ZRANB3: variants seen among roughly 807,000 people sequenced by gnomAD.
The protein encoded by ZRANB3 is DNA annealing helicase and endonuclease ZRANB3.
ZRANB3 carries 125 observed loss-of-function variants against 133.8 expected under a neutral mutation model. The observed-to-expected ratio is 0.93, with a 90% CI of 0.81 to 1.08. The LOEUF (loss-of-function observed/expected upper bound fraction) is 1.08, where lower values mean the gene tolerates loss of function less well. Among genes scored for constraint, ZRANB3 ranks in the 50% least tolerant of loss-of-function variants. The pLI is 0.00. For missense variants in ZRANB3, 1,229 were observed against 1,275.5 expected (o/e 0.96, Z 0.56); for synonymous variants, 387 against 432.7 (o/e 0.89, Z 1.31).
intron 8 of ZRANB3, among the ~76,000 whole-genome samples, chr2:135,300,702 A>G (rs1159205697): frequency 6.6e-6 from 1 of 152,118 alleles, no homozygotes; most frequent in Non-Finnish European, 1.5e-5. Context: ...GCCTTAATCT[A>G]TCATGAATTA....
chr2:135,459,874 A>C (rs961672354), intron 2 of ZRANB3, among the ~76,000 whole-genome samples: 2 of 152,182 alleles, frequency 1.3e-5, no homozygotes, highest in Non-Finnish European at 2.9e-5. Flanking sequence ...AAAATAGAAA[A>C]ATTTCAAGTA....
intron 1 of ZRANB3, among the ~76,000 whole-genome samples, chr2:135,518,125 T>G (rs1294315358): frequency 6.6e-6 from 1 of 152,076 alleles, no homozygotes; most frequent in African/African-American, 2.4e-5. Flanking sequence ...AGCTCGACCG[T>G]CCCAGATAGA....
intron 12 of ZRANB3, among the ~76,000 whole-genome samples, chr2:135,236,633 C>T (rs1210380436): frequency 2.6e-5 from 4 of 152,054 alleles, no homozygotes; most frequent in South Asian, 2.1e-4. Flanking sequence ...GAAATAATGC[C>T]GCATATCTAC....
At chr2:135,515,983 T>C (rs181878881) in intron 1 of ZRANB3, among the ~76,000 whole-genome samples, 130 of 152,330 alleles carry the variant, frequency 8.5e-4, no homozygotes, top group Admixed American at 4.3e-3. Context: ...GCATATATAT[T>C]TAAAACAGTT....
intron 2 of ZRANB3, among the ~76,000 whole-genome samples, chr2:135,447,715 C>T (rs1299786643): frequency 6.6e-6 from 1 of 152,188 alleles, no homozygotes; most frequent in Non-Finnish European, 1.5e-5. Flanking sequence ...GTACTCTGGG[C>T]TGGAACTACC....
chr2:135,318,565 T>C (rs1683370020), intron 6 of ZRANB3, among the ~76,000 whole-genome samples: 3 of 152,172 alleles, frequency 2.0e-5, no homozygotes, highest in African/African-American at 7.2e-5. Context: ...TGTGTGTAGA[T>C]GTGTGTATAT....
chr2:135,482,073 G>C (rs2104794440), intron 2 of ZRANB3, among the ~76,000 whole-genome samples: 1 of 135,988 alleles, frequency 7.4e-6, no homozygotes, highest in East Asian at 2.1e-4. Flanking sequence ...TTGTTCTTTT[G>C]GCTTAGGATT....
chr2:135,391,966 A>C (rs1227161953), intron 2 of ZRANB3, among the ~76,000 whole-genome samples: 1 of 152,160 alleles, frequency 6.6e-6, no homozygotes, highest in Admixed American at 6.6e-5. Flanking sequence ...ATGCAATGAT[A>C]ATTGAGGATG....
intron 1 of ZRANB3, among the ~76,000 whole-genome samples, chr2:135,507,570 T>G (rs1693244637): frequency 6.6e-6 from 1 of 152,018 alleles, no homozygotes; most frequent in Admixed American, 6.5e-5. Flanking sequence ...GGATAAAGGA[T>G]GTAATGTTTT....
intron 3 of ZRANB3, among the ~76,000 whole-genome samples, chr2:135,363,371 G>A (rs889039224): frequency 6.6e-6 from 1 of 152,104 alleles, no homozygotes; most frequent in Admixed American, 6.5e-5. Context: ...AGTAAAAAAT[G>A]AGATACTTAA....
chr2:135,245,674 C>T (rs969238974), intron 12 of ZRANB3, among the ~76,000 whole-genome samples: 1 of 151,372 alleles, frequency 6.6e-6, no homozygotes, highest in African/African-American at 2.4e-5. Flanking sequence ...CGCCTGTAAT[C>T]CCAGCACTTC....
At chr2:135,215,226 T>C (rs1041859240) in intron 17 of ZRANB3, among the ~76,000 whole-genome samples, 3 of 152,062 alleles carry the variant, frequency 2.0e-5, no homozygotes, top group Admixed American at 2.0e-4. Flanking sequence ...CCAGTATTTT[T>C]TTATTTTATT....
intron 2 of ZRANB3, among the ~76,000 whole-genome samples, chr2:135,454,482 G>A (rs116840456): frequency 0.011 from 1,606 of 151,702 alleles, 12 homozygotes; most frequent in Non-Finnish European, 0.016. Flanking sequence ...GTGATTTCTG[G>A]TTATATAGAT....
In ZRANB3 at chr2:135,379,957, T is replaced by C. The variant is rs533953043; in HGVS notation, c.180+10845A>G. The stretch of plus-strand genomic sequence containing the variant: ...CACACATAAGCTCCAAATAAAGGGA[T>C]GGAGGAAGATCTACCAAGCAAATGG... On this transcript the variant is annotated intron_variant, in intron 3 of 20. Coordinates refer to ENST00000264159, the MANE Select transcript of ZRANB3 (RefSeq NM_032143.4). Among the ~76,000 whole-genome samples the C allele has an allele frequency of 4.6e-5, 7 of 151,940 alleles. No homozygotes were observed. In the South Asian group the frequency reaches 1.5e-3, roughly 32 times the overall value.
chr2:135,409,961 G>C (rs552995450), intron 2 of ZRANB3, among the ~76,000 whole-genome samples: 1 of 152,068 alleles, frequency 6.6e-6, no homozygotes, highest in African/African-American at 2.4e-5. Context: ...AACTTTGTAT[G>C]AAACACTGAT....
At chr2:135,386,277 C>T (rs1450703052) in intron 3 of ZRANB3, among the ~76,000 whole-genome samples, 1 of 152,180 alleles carries the variant, frequency 6.6e-6, no homozygotes, top group Non-Finnish European at 1.5e-5. Context: ...ATATGCAAAT[C>T]AAAACCATAA....
chr2:135,396,416 G>A (rs1687487270), intron 2 of ZRANB3, among the ~76,000 whole-genome samples: 1 of 152,162 alleles, frequency 6.6e-6, no homozygotes, highest in African/African-American at 2.4e-5. Flanking sequence ...CAACCTACAT[G>A]TCCATCAACA....
chr2:135,346,839 G>GT (rs1252612455), intron 5 of ZRANB3, among the ~76,000 whole-genome samples: 1 of 152,096 alleles, frequency 6.6e-6, no homozygotes, highest in Non-Finnish European at 1.5e-5. Flanking sequence ...ACATAATTCA[G>GT]TGGCTTTCAA....
intron 2 of ZRANB3, among the ~76,000 whole-genome samples, chr2:135,495,339 A>T (rs1172951071): frequency 6.6e-6 from 1 of 152,248 alleles, no homozygotes; most frequent in Non-Finnish European, 1.5e-5. Flanking sequence ...CACATACTAT[A>T]TTATAGTATT....
Sources: allele counts gnomAD v4.1 joint callset (sites outside exome capture counted in the v4.1 genomes callset), GRCh38; gene constraint gnomAD v4.1.1; transcripts MANE v1.5; gene names NCBI Gene and HGNC (gene_info 2026-07-23, HGNC 2026-07-21).